WNT6: variants seen among roughly 807,000 people sequenced by gnomAD.
WNT6 encodes the protein protein Wnt-6.
Under a neutral mutation model 33.1 loss-of-function variants are expected in WNT6, and 27 were observed. The ratio of observed to expected loss-of-function variants is 0.82; its 90% confidence interval spans 0.60 to 1.12. WNT6 has a LOEUF of 1.12. WNT6 is among the 50% of genes most tolerant of loss of function. WNT6 has a pLI of 0.00. For missense variants in WNT6, 494 were observed against 535.3 expected (o/e 0.92, Z 0.76); for synonymous variants, 249 against 242.8 (o/e 1.03, Z -0.24).
chr2:218,866,654 G>A (rs1207997238), intron 1 of WNT6, among the ~76,000 whole-genome samples: 1 of 152,116 alleles, frequency 6.6e-6, no homozygotes, highest in African/African-American at 2.4e-5. Context: ...GACAGTTGAA[G>A]AAACTGAGGC....
Position 218,867,522 on chromosome 2 carries a change from C to T in WNT6, c.81-3505C>T, listed in dbSNP as rs144563939. ...AGAGAGACCTTGGCGCAGGCCAAGCCGGTTAGAATGACCATCCATTGCCTT... is the reference window on the plus strand; with the variant it reads ...AGAGAGACCTTGGCGCAGGCCAAGCTGGTTAGAATGACCATCCATTGCCTT... On this transcript the variant is annotated intron_variant, in intron 1 of 3. Transcript: ENST00000233948. This position sits in a 1 kb window ranked among gnomAD's most constrained non-coding sequence, Gnocchi z 4.9. Among the ~76,000 whole-genome samples the T allele has an allele frequency of 6.7e-3, 1,026 of 152,320 alleles. 31 individuals carry two copies. Among genetic ancestry groups the T allele is most frequent in the Admixed American group, 0.055 (844 of 15,298 alleles).
At chr2:218,863,794 A>G (rs1448531984) in intron 1 of WNT6, among the ~76,000 whole-genome samples, 2 of 152,174 alleles carry the variant, frequency 1.3e-5, no homozygotes, top group Non-Finnish European at 2.9e-5. Flanking sequence ...GGTTGCAGTG[A>G]ACCGAGATCC....
rs1944361446 is a variant in WNT6, at chr2:218,867,268, C to G, written c.81-3759C>G. ...GGATCCCTCCACCAGTGGCCAGAGTCAGTCGCCTCCTGTCTTGCTCATCTG... is the reference window on the plus strand; with the variant it reads ...GGATCCCTCCACCAGTGGCCAGAGTGAGTCGCCTCCTGTCTTGCTCATCTG... On this transcript the variant is annotated intron_variant, in intron 1 of 3. Transcript: ENST00000233948. This position sits in a 1 kb window ranked among gnomAD's most constrained non-coding sequence, Gnocchi z 4.9. Among the ~76,000 whole-genome samples the G allele has an allele frequency of 6.6e-6, 1 of 152,192 alleles. No individual in the cohort carries two copies. The highest frequency in any genetic ancestry group is 1.5e-5 in the Non-Finnish European group (1 of 68,032).
rs1944431722 is a variant in WNT6 at position 218,873,977 on chromosome 2, C to G, written c.*132C>G. The stretch of plus-strand genomic sequence containing the variant: ...CTGCCAAAGCCCAACTCCCAGGGCT[C>G]TGGAAATGGTGAGGCGAGGGGCTTG... On this transcript the variant is annotated 3_prime_UTR_variant, in exon 4 of 4. Transcript: ENST00000233948. This position sits in a 1 kb window ranked among gnomAD's most constrained non-coding sequence, Gnocchi z 6.1. The G allele has an allele frequency of 9.7e-7, 1 of 1,031,966 alleles. No individual in the cohort carries two copies. Among genetic ancestry groups the G allele is most frequent in the Non-Finnish European group, 1.3e-6 (1 of 755,292 alleles). The allele number at this position is 1,031,966 out of a possible 1,614,324, so 63.9% of individuals were successfully genotyped here. A position where few individuals can be genotyped will look rare whatever the true frequency, so the allele number is the denominator to read the frequency against.
At position 218,866,922 on chromosome 2, in the gene WNT6, C is replaced by T. The variant is rs747807904; in HGVS notation, c.81-4105C>T. Among the ~76,000 whole-genome samples, 13 of 152,114 alleles carry T rather than the reference C, an allele frequency of 8.5e-5. No homozygotes were observed. The South Asian group carries it at 1.2e-3, about 15-fold the overall frequency. Reference sequence around the variant, plus strand: ...ATTATACCACTGGCAGGATAACAGACGCCCCCAAATGAGAGGCGCCCCGGG... The same window carrying T: ...ATTATACCACTGGCAGGATAACAGATGCCCCCAAATGAGAGGCGCCCCGGG... On this transcript the variant is annotated intron_variant, in intron 1 of 3. Coordinates refer to ENST00000233948, the MANE Select transcript of WNT6 (RefSeq NM_006522.4).
At chr2:218,872,979 C>T (rs1387345013) in intron 3 of WNT6, among the ~76,000 whole-genome samples, 1 of 152,068 alleles carries the variant, frequency 6.6e-6, no homozygotes, top group Non-Finnish European at 1.5e-5. Context: ...CTCAGCCCGG[C>T]CTGGGGGCCG....
At chr2:218,870,431 G>A (rs1944390553) in intron 1 of WNT6, among the ~76,000 whole-genome samples, 1 of 152,116 alleles carries the variant, frequency 6.6e-6, no homozygotes, top group African/African-American at 2.4e-5. Flanking sequence ...GAGAAACCTG[G>A]GCTATGGAGA....
At chr2:218,864,400 C>T (rs1396904260) in intron 1 of WNT6, among the ~76,000 whole-genome samples, 2 of 152,104 alleles carry the variant, frequency 1.3e-5, no homozygotes, top group African/African-American at 4.8e-5. Context: ...GCCGGGATTA[C>T]AGGTGCCTGG....
chr2:218,872,957 T>C (rs1944416455), intron 3 of WNT6, among the ~76,000 whole-genome samples: 1 of 151,992 alleles, frequency 6.6e-6, no homozygotes, highest in Non-Finnish European at 1.5e-5. Context: ...GGAGGCTGGC[T>C]CTGCGTCTGT....
In WNT6 at chr2:218,871,573, G is replaced by T; in HGVS notation, c.390G>T (p.Leu130=). Residue 130 remains leucine, a synonymous_variant, in exon 3 of 4, where the codon CTG becomes CTT. Coordinates refer to ENST00000233948, the MANE Select transcript of WNT6 (RefSeq NM_006522.4). The surrounding 1 kb of genome is among the most constrained non-coding windows in gnomAD (Gnocchi z 6.4). ...AGGCCTGTTCTATGGGCGAGCTGCT[G>T]CAGTGCGGCTGCCAGGCGCCCCGCG... ...VTQACSMGEL[L]QCGCQAPRGR... is the part of the protein sequence containing the mutation. The T allele has an allele frequency of 6.4e-7, 1 of 1,556,180 alleles. No individual in the cohort carries two copies. Among genetic ancestry groups the T allele is most frequent in the South Asian group, 1.2e-5 (1 of 86,094 alleles).
intron 1 of WNT6, among the ~76,000 whole-genome samples, chr2:218,863,656 T>G (rs1040735623): frequency 1.3e-5 from 2 of 152,076 alleles, no homozygotes; most frequent in Non-Finnish European, 2.9e-5. Context: ...CGAGACCAGT[T>G]TGGCCAACAT....
intron 1 of WNT6, among the ~76,000 whole-genome samples, chr2:218,860,928 G>C (rs574524909): frequency 1.3e-5 from 2 of 152,076 alleles, no homozygotes; most frequent in South Asian, 4.2e-4. Context: ...GTGCCCGACC[G>C]GGACGGCTCA....
intron 1 of WNT6, among the ~76,000 whole-genome samples, chr2:218,869,223 C>G (rs761236635): frequency 6.6e-6 from 1 of 151,990 alleles, no homozygotes; most frequent in Admixed American, 6.5e-5. Context: ...TGTGTGCGTG[C>G]GCATGCGTGC....
chr2:218,867,184 C>T lies in WNT6; in HGVS notation c.81-3843C>T, dbSNP rs1479492257. ...TGGAAGTCTTCTGATATCTCACGTG[C>T]CCATTTCCCTCCAGCACTGTTTATG... On this transcript the variant is annotated intron_variant, in intron 1 of 3. Transcript: ENST00000233948. This position sits in a 1 kb window ranked among gnomAD's most constrained non-coding sequence, Gnocchi z 4.9. 6.6e-6 allele frequency among the ~76,000 whole-genome samples: 1 copy of T among 152,170 alleles called. No individual in the cohort carries two copies. The highest frequency in any genetic ancestry group is 1.9e-4 in the East Asian group (1 of 5,194).
intron 1 of WNT6, among the ~76,000 whole-genome samples, chr2:218,863,422 A>G (rs1944327609): frequency 6.6e-6 from 1 of 152,194 alleles, no homozygotes; most frequent in Non-Finnish European, 1.5e-5. Flanking sequence ...GAGTGACTCG[A>G]CTGTCTTGGT....
chr2:218,869,690 G>A (rs992294849), intron 1 of WNT6, among the ~76,000 whole-genome samples: 1 of 152,194 alleles, frequency 6.6e-6, no homozygotes, highest in Non-Finnish European at 1.5e-5. Flanking sequence ...ATTCTGATGA[G>A]AGCAGTTCCC....
At chr2:218,866,686 T>C (rs1944357264) in intron 1 of WNT6, among the ~76,000 whole-genome samples, 1 of 152,106 alleles carries the variant, frequency 6.6e-6, no homozygotes, top group African/African-American at 2.4e-5. Flanking sequence ...AGTCTCATCA[T>C]CCATCTAATG....
Position 218,873,672 on chromosome 2 carries a change from G to T in WNT6, c.925G>T (p.Ala309Ser), listed in dbSNP as rs1944426411. The T allele has an allele frequency of 1.9e-6, 3 of 1,581,766 alleles. No homozygotes were observed. The South Asian group carries it at 3.4e-5, about 18-fold the overall frequency. The change falls in exon 4 of 4, where the codon GCC (alanine) becomes TCC (serine). Residue 309 changes from alanine to serine, a missense_variant. Transcript: ENST00000233948. This position sits in a 1 kb window ranked among gnomAD's most constrained non-coding sequence, Gnocchi z 6.1. ...CGGCTCCCCCGGCACGCGCGGTCGC[G>T]CCTGCAATAGCAGCGCCCCGGACCT... ...RTGSPGTRGRACNSSAPDLSG... is the reference protein window; with the variant it reads ...RTGSPGTRGRSCNSSAPDLSG...
At chr2:218,865,338 T>G (rs1330063443) in intron 1 of WNT6, among the ~76,000 whole-genome samples, 1 of 152,152 alleles carries the variant, frequency 6.6e-6, no homozygotes, top group Non-Finnish European at 1.5e-5. Context: ...GGCCAGGCAC[T>G]CCCTCGGGTG....
Sources: gnomAD v4.1 joint callset for allele counts (sites outside exome capture counted in the v4.1 genomes callset) on GRCh38, gnomAD v4.1.1 for gene constraint, Gnocchi (gnomAD v3.1) non-coding constraint, MANE v1.5 for transcripts, NCBI Gene and HGNC (gene_info 2026-07-23, HGNC 2026-07-21) for gene names.